The following CSMD1 variants were observed in gnomAD, a reference collection of about 807,000 sequenced individuals.
The protein encoded by CSMD1 is CUB and sushi domain-containing protein 1.
A neutral mutation model predicts 417.5 loss-of-function variants in CSMD1; 213 were observed. The observed-to-expected ratio is 0.51, with a 90% CI of 0.46 to 0.57. CSMD1 has a LOEUF of 0.57. CSMD1 is among the 20% of genes least tolerant of loss of function. CSMD1 has a pLI of 0.00. For synonymous variants in CSMD1, 2,862 were observed against 1,736.8 expected, an observed-to-expected ratio of 1.65 and a Z score of -16.11; for missense variants, 6,923 against 4,529.7, an observed-to-expected ratio of 1.53 and a Z score of -15.17.
At chr8:3,812,250 A>C (rs956550200) in intron 5 of CSMD1, among the ~76,000 whole-genome samples, 1 of 152,174 alleles carries the variant, frequency 6.6e-6, no homozygotes, top group African/African-American at 2.4e-5. Flanking sequence ...AACTTCACAA[A>C]ATAAATAAAA....
chr8:3,517,030 T>A (rs1048735514), intron 10 of CSMD1, among the ~76,000 whole-genome samples: 1 of 152,082 alleles, frequency 6.6e-6, no homozygotes, highest in Non-Finnish European at 1.5e-5. Context: ...GCAAAGGAGC[T>A]GGTGTGGTGT....
At chr8:4,618,131 C>A (rs1248465577) in intron 2 of CSMD1, among the ~76,000 whole-genome samples, 8 of 152,070 alleles carry the variant, frequency 5.3e-5, no homozygotes, top group Admixed American at 4.6e-4. Context: ...AGGTTTCTGT[C>A]CTTCAAGAAA....
intron 50 of CSMD1, among the ~76,000 whole-genome samples, chr8:3,037,480 T>G (rs185648494): frequency 9.5e-4 from 144 of 152,264 alleles, no homozygotes; most frequent in Non-Finnish European, 1.5e-3. Flanking sequence ...TACCGCACTT[T>G]CTTTATCCAC....
At chr8:3,394,014 A>T (rs572641022) in intron 17 of CSMD1, among the ~76,000 whole-genome samples, 3,164 of 24,860 alleles carry the variant, frequency 0.13, 137 homozygotes, top group African/African-American at 0.18. Context: ...AAAATAAATT[A>T]TATATATATA....
chr8:4,875,195 G>C (rs748394269), intron 1 of CSMD1, among the ~76,000 whole-genome samples: 8 of 151,910 alleles, frequency 5.3e-5, no homozygotes, highest in African/African-American at 1.9e-4. Flanking sequence ...TCTCTGTACA[G>C]TAGTACTTTA....
intron 54 of CSMD1, among the ~76,000 whole-genome samples, chr8:2,993,330 G>C (rs1419363222): frequency 9.9e-5 from 15 of 152,134 alleles, no homozygotes; most frequent in Non-Finnish European, 1.5e-5. Context: ...CCTTGTTGAA[G>C]GTAAGGTTAT....
At chr8:4,674,971 T>G (rs1378404961) in intron 1 of CSMD1, among the ~76,000 whole-genome samples, 5 of 152,210 alleles carry the variant, frequency 3.3e-5, no homozygotes, top group African/African-American at 9.6e-5. Flanking sequence ...GAGGACACGG[T>G]GAGGAGGCAG....
chr8:3,405,401 A>G (rs1298269486), intron 15 of CSMD1, among the ~76,000 whole-genome samples: 1 of 152,194 alleles, frequency 6.6e-6, no homozygotes, highest in East Asian at 1.9e-4. Flanking sequence ...TAACCAGAAC[A>G]GAAATATGAA....
At chr8:3,220,277 G>GTC (rs1798125815) in intron 28 of CSMD1, among the ~76,000 whole-genome samples, 1 of 151,226 alleles carries the variant, frequency 6.6e-6, no homozygotes, top group African/African-American at 2.4e-5. Context: ...TTTTTTCTCT[G>GTC]TCCCTCTCTT....
chr8:4,823,807 G>C (rs374467372), intron 1 of CSMD1, among the ~76,000 whole-genome samples: 1 of 151,766 alleles, frequency 6.6e-6, no homozygotes, highest in Admixed American at 6.6e-5. Flanking sequence ...TGGTGAGTAG[G>C]GGAGAAAAAG....
intron 5 of CSMD1, among the ~76,000 whole-genome samples, chr8:3,945,055 C>G (rs1375955165): frequency 6.6e-6 from 1 of 152,046 alleles, no homozygotes; most frequent in South Asian, 2.1e-4. Context: ...GCTCTATAAT[C>G]CCTCATTTTA....
chr8:3,286,484 A>C (rs532888102), intron 25 of CSMD1, among the ~76,000 whole-genome samples: 74 of 152,044 alleles, frequency 4.9e-4, no homozygotes, highest in African/African-American at 1.7e-3. Flanking sequence ...CCTCTCCAGC[A>C]CCTGTTTTTT....
intron 38 of CSMD1, among the ~76,000 whole-genome samples, chr8:3,159,856 T>G (rs1819774664): frequency 1.3e-5 from 2 of 152,256 alleles, no homozygotes; most frequent in South Asian, 4.1e-4. Context: ...ATTTCTATTT[T>G]CTTCTCTGAG....
chr8:3,748,329 A>G (rs1208372559), intron 6 of CSMD1, among the ~76,000 whole-genome samples: 3 of 152,196 alleles, frequency 2.0e-5, no homozygotes, highest in African/African-American at 7.2e-5. Context: ...TTTTGATTGA[A>G]ACAATACTTC....
chr8:4,785,255 T>A (rs183470961), intron 1 of CSMD1, among the ~76,000 whole-genome samples: 2 of 152,224 alleles, frequency 1.3e-5, no homozygotes, highest in African/African-American at 4.8e-5. Context: ...CATGAGGAGG[T>A]GAACATTGGC....
chr8:4,992,676 C>A (rs963009560), intron 1 of CSMD1, among the ~76,000 whole-genome samples: 6 of 152,242 alleles, frequency 3.9e-5, no homozygotes, highest in Non-Finnish European at 8.8e-5. Context: ...AATTCCCAGC[C>A]AGTCCAGTGC....
chr8:4,593,708 T>C (rs1201175820), intron 2 of CSMD1, among the ~76,000 whole-genome samples: 2 of 152,206 alleles, frequency 1.3e-5, no homozygotes, highest in Non-Finnish European at 2.9e-5. Flanking sequence ...ACCAATTGTA[T>C]ACCAGATCTC....
chr8:3,361,596 G>A lies in CSMD1; in HGVS notation c.3116-2256C>T, dbSNP rs185876116. Among the ~76,000 whole-genome samples, 815 of 137,272 alleles carry A rather than the reference G, an allele frequency of 5.9e-3. 4 individuals carry two copies. The highest frequency in any genetic ancestry group is 9.0e-3 in the Non-Finnish European group (595 of 66,018). 90.1% of individuals were successfully genotyped at this position (137,272 alleles called of 152,430 possible). On this transcript the variant is annotated intron_variant, in intron 20 of 69. Coordinates refer to ENST00000635120, the MANE Select transcript of CSMD1 (RefSeq NM_033225.6). Reference sequence around the variant, plus strand: ...GAACCCTGGAGGTGGAGGTTGCAGTGAGCTGAGATTGCACCACTGCATTCA... The same window carrying A: ...GAACCCTGGAGGTGGAGGTTGCAGTAAGCTGAGATTGCACCACTGCATTCA...
intron 1 of CSMD1, among the ~76,000 whole-genome samples, chr8:4,717,048 A>G (rs1317050367): frequency 6.6e-6 from 1 of 152,076 alleles, no homozygotes; most frequent in Admixed American, 6.6e-5. Flanking sequence ...TGAATATCAC[A>G]AAGAAAAATA....
Sources: allele counts gnomAD v4.1 joint callset (sites outside exome capture counted in the v4.1 genomes callset), GRCh38; gene constraint gnomAD v4.1.1; transcripts MANE v1.5; gene names NCBI Gene and HGNC (gene_info 2026-07-23, HGNC 2026-07-21).